The following LDB1 variants were observed in gnomAD, a reference collection of about 807,000 sequenced individuals.
LDB1 encodes the protein LIM domain-binding protein 1.
A neutral mutation model predicts 49.7 loss-of-function variants in LDB1; 6 were observed. The observed-to-expected ratio is 0.12, with a 90% CI of 0.07 to 0.24. The LOEUF is 0.24. Ranked by LOEUF, LDB1 falls within the 10% of genes least tolerant of loss-of-function variation. The pLI, the probability that LDB1 is intolerant of heterozygous loss-of-function variation, is 1.00. For synonymous variants in LDB1, 233 were observed against 202.0 expected (o/e 1.15, Z -1.30); for missense variants, 341 against 561.7 (o/e 0.61, Z 3.97).
At chr10:102,110,104 T>G in intron 6 of LDB1, 61 bp from the exon 7 acceptor site, 1 of 1,530,986 alleles carries the variant, frequency 6.5e-7, no homozygotes. Context: ...AAGGTATGTC[T>G]ATTACAGTCT....
chr10:102,105,000 CACAT>C (rs552537055), downstream of LDB1, among the ~76,000 whole-genome samples: 42 of 152,286 alleles, frequency 2.8e-4, no homozygotes, highest in African/African-American at 9.9e-4. Context: ...AACCAACAGA[CACAT>C]ACATAAACAT....
rs773634189 is a variant in LDB1, at chr10:102,109,064, G to T, written c.970C>A (p.Pro324Thr). The change falls in exon 10 of 11, where the codon CCA becomes ACA. Residue 324 changes from proline (P) to threonine (T), a missense_variant. Transcript: ENST00000673968. This position sits in a 1 kb window ranked among gnomAD's most constrained non-coding sequence, Gnocchi z 5.8. ...TNNSNSKKKS[P>T]ASTFALSSQV... The stretch of plus-strand genomic sequence containing the variant: ...CTGGAGAGGGCGAAGGTGCTAGCTG[G>T]GCTCTTCTTCTTGCTGTTGCTGTTG... The T allele has an allele frequency of 3.7e-6, 6 of 1,614,196 alleles. No individual in the cohort carries two copies. Among genetic ancestry groups the T allele is most frequent in the Non-Finnish European group, 5.1e-6 (6 of 1,180,040 alleles).
intron 6 of LDB1, chr10:102,110,291 C>T (rs890963511): frequency 1.6e-6 from 1 of 619,940 alleles, no homozygotes; most frequent in Non-Finnish European, 2.8e-6. Flanking sequence ...ATACACCCAC[C>T]TGCTCTAAGC....
chr10:102,110,194 C>T (rs2068231622), intron 6 of LDB1, 151 bp from the exon 7 acceptor site: 1 of 844,300 alleles, frequency 1.2e-6, no homozygotes, highest in South Asian at 1.7e-5. Flanking sequence ...GTCACAGTAC[C>T]CCCCACCCAT....
chr10:102,119,995 C>T (rs1026319408), intron 1 of LDB1, 91 bp downstream of exon 1: 2 of 1,031,832 alleles, frequency 1.9e-6, no homozygotes. Flanking sequence ...GCCATCGACG[C>T]CCCCCACACA....
chr10:102,106,475 C>T (rs1384740075), downstream of LDB1, among the ~76,000 whole-genome samples: 1 of 130,636 alleles, frequency 7.7e-6, no homozygotes, highest in Non-Finnish European at 1.6e-5. Context: ...CATCAATGAC[C>T]AACCAGGACA....
chr10:102,110,825 T>C (rs764235269), intron 5 of LDB1, 44 bp downstream of exon 5: 36 of 1,586,548 alleles, frequency 2.3e-5, no homozygotes, highest in Non-Finnish European at 3.0e-5. Flanking sequence ...TAGAACGACA[T>C]AGGAGGTATA....
At chr10:102,108,473 C>T in intron 10 of LDB1, 150 bp from the exon 11 acceptor site, 4 of 623,668 alleles carry the variant, frequency 6.4e-6, no homozygotes, top group South Asian at 5.8e-5. Flanking sequence ...CAACTCCTGA[C>T]ACCCTCAGCT....
downstream of LDB1, among the ~76,000 whole-genome samples, chr10:102,103,749 G>A (rs2068135209): frequency 2.0e-5 from 3 of 152,004 alleles, no homozygotes; most frequent in South Asian, 4.2e-4. Context: ...AGGAGGCGGA[G>A]GTTGCAGTGA....
chr10:102,102,944 G>C (rs2068130610), downstream of LDB1, among the ~76,000 whole-genome samples: 2 of 152,104 alleles, frequency 1.3e-5, no homozygotes, highest in African/African-American at 4.8e-5. Context: ...TGGGACTATA[G>C]GCACAGAACT....
intron 1 of LDB1, among the ~76,000 whole-genome samples, chr10:102,118,112 T>C (rs2068357374): frequency 1.3e-5 from 2 of 152,060 alleles, no homozygotes; most frequent in African/African-American, 4.8e-5. Context: ...CCTGGACTGC[T>C]ACATGCTGCC....
rs1279342132 is a variant in LDB1 at position 102,109,488 on chromosome 10, G to C, written c.752C>G (p.Pro251Arg). The C allele has an allele frequency of 6.2e-7, 1 of 1,614,130 alleles. No homozygotes were observed. The highest frequency in any genetic ancestry group is 8.5e-7 in the Non-Finnish European group (1 of 1,180,026). The change falls in exon 9 of 11, where the codon CCC (proline) becomes CGC (arginine). Residue 251 changes from proline to arginine, a missense_variant. Coordinates refer to ENST00000673968, the MANE Select transcript of LDB1 (RefSeq NM_001113407.3). The surrounding 1 kb of genome is among the most constrained non-coding windows in gnomAD (Gnocchi z 5.8). ...NYLRLCVILEPMQELMSRHKT... is the reference protein window; with the variant it reads ...NYLRLCVILERMQELMSRHKT... ...GTGGCGTGACATGAGCTCTTGCATG[G>C]GCTCGAGTATCACACAGAGCTAGGG...
At position 102,107,926 on chromosome 10, in the gene LDB1, G is replaced by C. The variant is rs1486103298; in HGVS notation, c.*167C>G. 8 of 671,068 alleles carry C rather than the reference G, an allele frequency of 1.2e-5. No homozygotes were observed. In the East Asian group the frequency reaches 2.0e-4, roughly 17 times the overall value. 41.6% of individuals were successfully genotyped at this position (671,068 alleles called of 1,614,324 possible). ...CCAGGCCCAGCCCAGGGCCACTGGGGGGGCAAATCTTGGCACCTGCCCCCA... is the reference window on the plus strand; with the variant it reads ...CCAGGCCCAGCCCAGGGCCACTGGGCGGGCAAATCTTGGCACCTGCCCCCA... On this transcript the variant is annotated 3_prime_UTR_variant, in exon 11 of 11. Coordinates refer to ENST00000673968, the MANE Select transcript of LDB1 (RefSeq NM_001113407.3).
downstream of LDB1, among the ~76,000 whole-genome samples, chr10:102,104,136 A>G (rs906722830): frequency 6.6e-6 from 1 of 151,898 alleles, no homozygotes; most frequent in African/African-American, 2.4e-5. Flanking sequence ...ACCAGACTAC[A>G]GTAGGTTCCT....
rs781054755 is a variant in LDB1, at chr10:102,109,011, G to T, written c.1005+18C>A. ...TGGTGGGGCAGCCCAGAAGAGAGAA[G>T]AAAGCCGAGATGCTTACAGGTACCT... On this transcript the variant is annotated intron_variant, in intron 10 of 10. Coordinates refer to ENST00000673968, the MANE Select transcript of LDB1 (RefSeq NM_001113407.3). The surrounding 1 kb of genome is among the most constrained non-coding windows in gnomAD (Gnocchi z 5.8). 1 of 1,614,100 alleles carries T rather than the reference G, an allele frequency of 6.2e-7. No individual in the cohort carries two copies. The highest frequency in any genetic ancestry group is 8.5e-7 in the Non-Finnish European group (1 of 1,180,036).
At position 102,111,119 on chromosome 10, in the gene LDB1, T is replaced by G. The variant is rs2068246330; in HGVS notation, c.199A>C (p.Thr67Pro). Reference sequence around the variant, plus strand: ...TTAAGCTCAAATATTCTGTAGTCAGTTTGGTTGCCATATGGTGTGTGCCTC... The same window carrying G: ...TTAAGCTCAAATATTCTGTAGTCAGGTTGGTTGCCATATGGTGTGTGCCTC... ...IGRHTPYGNQ[T>P]DYRIFELNKR... Residue 67 changes from threonine to proline, a missense_variant, in exon 4 of 11, where the codon ACT (threonine) becomes CCT (proline). Thr to Pro is a conservative substitution (Grantham distance 38, BLOSUM62 -1). Coordinates refer to ENST00000673968, the MANE Select transcript of LDB1 (RefSeq NM_001113407.3). 1 of 1,613,972 alleles carries G rather than the reference T, an allele frequency of 6.2e-7. No individual in the cohort carries two copies. Among genetic ancestry groups the G allele is most frequent in the Admixed American group, 1.7e-5 (1 of 60,008 alleles).
downstream of LDB1, among the ~76,000 whole-genome samples, chr10:102,105,940 G>A (rs1278042993): frequency 6.6e-6 from 1 of 152,034 alleles, no homozygotes; most frequent in South Asian, 2.1e-4. Context: ...TCATGCCACT[G>A]CCCTCCAGCC....
downstream of LDB1, among the ~76,000 whole-genome samples, chr10:102,102,492 G>A (rs189956575): frequency 2.3e-3 from 356 of 152,326 alleles, 2 homozygotes; most frequent in Non-Finnish European, 3.4e-3. Context: ...TGGAATAGAG[G>A]TGGAGCAGCA....
At chr10:102,111,362 G>C in intron 2 of LDB1, 62 bp from the exon 3 acceptor site, 2 of 1,596,812 alleles carry the variant, frequency 1.3e-6, no homozygotes, top group Non-Finnish European at 1.7e-6. Context: ...GGGGCAGGGG[G>C]CTACTCCCTC....
Sources: gnomAD v4.1 joint callset for allele counts (sites outside exome capture counted in the v4.1 genomes callset) on GRCh38, gnomAD v4.1.1 for gene constraint, Gnocchi (gnomAD v3.1) non-coding constraint, MANE v1.5 for transcripts, NCBI Gene and HGNC (gene_info 2026-07-23, HGNC 2026-07-21) for gene names.